PCDHGA3: variants seen among roughly 807,000 people sequenced by gnomAD.
The protein encoded by PCDHGA3 is protocadherin gamma subfamily A, 3, also known as protocadherin gamma-A3.
Under a neutral mutation model 58.5 loss-of-function variants are expected in PCDHGA3, and 40 were observed. The observed-to-expected ratio is 0.68, with a 90% CI of 0.53 to 0.89. The LOEUF is 0.89. Ranked by LOEUF, PCDHGA3 falls within the 40% of genes least tolerant of loss-of-function variation. PCDHGA3 has a pLI of 0.00. For missense variants in PCDHGA3, 1,223 were observed against 1,195.9 expected, an observed-to-expected ratio of 1.02 and a Z score of -0.33; for synonymous variants, 530 against 525.7, an observed-to-expected ratio of 1.01 and a Z score of -0.11.
In PCDHGA3 at chr5:141,399,219, G is replaced by A. The variant is rs775267424; in HGVS notation, c.2424+52762G>A. The A allele has an allele frequency of 2.5e-6, 4 of 1,613,924 alleles. No homozygotes were observed. The South Asian group carries it at 3.3e-5, about 13-fold the overall frequency. On this transcript the variant is annotated intron_variant, in intron 1 of 3. Coordinates refer to ENST00000253812, the MANE Select transcript of PCDHGA3 (RefSeq NM_018916.4). Reference sequence around the variant, plus strand: ...CGGTGCCTGGAACACTAATTGCTTTGATCAAAATACATGACCAAGATTCTG... The same window carrying A: ...CGGTGCCTGGAACACTAATTGCTTTAATCAAAATACATGACCAAGATTCTG...
intron 1 of PCDHGA3, chr5:141,440,968 T>A (rs1487107428): frequency 6.6e-6 from 1 of 152,198 alleles, no homozygotes; most frequent in African/African-American, 2.4e-5. Flanking sequence ...AGATCACATA[T>A]GGCTTCACAA....
chr5:141,351,658 C>T, intron 1 of PCDHGA3: 2 of 1,614,064 alleles, frequency 1.2e-6, no homozygotes, highest in Non-Finnish European at 1.7e-6. Flanking sequence ...CTGGCGCCTC[C>T]ATTGCACAAG....
At chr5:141,389,927 C>A (rs2091975121) in intron 1 of PCDHGA3, 2 of 1,613,944 alleles carry the variant, frequency 1.2e-6, no homozygotes, top group African/African-American at 2.7e-5. Flanking sequence ...ACCCCTCTGA[C>A]CTCCAGGCTG....
At chr5:141,397,965 C>A in intron 1 of PCDHGA3, 1 of 1,077,484 alleles carries the variant, frequency 9.3e-7, no homozygotes. Flanking sequence ...AGCTCAGACT[C>A]CCCAGCGCCG....
chr5:141,399,656 T>C, intron 1 of PCDHGA3: 1 of 1,613,694 alleles, frequency 6.2e-7, no homozygotes, highest in Non-Finnish European at 8.5e-7. Context: ...AGTGGGGTGG[T>C]GTTCGCGCAG....
chr5:141,423,170 A>T (rs755141371), intron 1 of PCDHGA3: 1 of 1,613,504 alleles, frequency 6.2e-7, no homozygotes, highest in South Asian at 1.1e-5. Flanking sequence ...GTGGCCGTCC[A>T]GGACCACGGC....
intron 2 of PCDHGA3, 141 bp downstream of exon 2, chr5:141,495,006 G>C (rs1030195663): frequency 2.0e-6 from 3 of 1,521,446 alleles, no homozygotes; most frequent in Non-Finnish European, 8.8e-7. Flanking sequence ...CTTGGTGTGC[G>C]GGGGGCTGGC....
Position 141,476,242 on chromosome 5 carries a change from G to T in PCDHGA3, c.2425-18565G>T. ...ACTATGAGATCCCGGAGGAAAGAGA[G>T]AAGGGTTTCGCTGTGGGCAACGTGG... is the stretch of plus-strand genomic sequence containing the variant. On this transcript the variant is annotated intron_variant, in intron 1 of 3. Coordinates refer to ENST00000253812, the MANE Select transcript of PCDHGA3 (RefSeq NM_018916.4). The surrounding 1 kb of genome is among the most constrained non-coding windows in gnomAD (Gnocchi z 7.6). 6.2e-7 allele frequency: 1 copy of T among 1,614,100 alleles called. No individual in the cohort carries two copies.
At chr5:141,356,757 C>T (rs1413768876) in intron 1 of PCDHGA3, 2 of 1,613,908 alleles carry the variant, frequency 1.2e-6, no homozygotes, top group Non-Finnish European at 1.7e-6. Flanking sequence ...CTCTTTGCTC[C>T]TTCGACTATG....
intron 1 of PCDHGA3, chr5:141,416,276 A>G (rs553989511): frequency 6.6e-6 from 1 of 152,388 alleles, no homozygotes; most frequent in East Asian, 1.9e-4. Context: ...TTTTGCATAC[A>G]ATTCTCTAAT....
At chr5:141,500,822 T>A (rs1377955680) in intron 2 of PCDHGA3, among the ~76,000 whole-genome samples, 1 of 152,240 alleles carries the variant, frequency 6.6e-6, no homozygotes, top group African/African-American at 2.4e-5. Context: ...TACATATTAT[T>A]TTTCTAATGC....
At chr5:141,408,396 A>G (rs764101918) in intron 1 of PCDHGA3, 18 of 1,614,020 alleles carry the variant, frequency 1.1e-5, no homozygotes, top group South Asian at 5.5e-5. Flanking sequence ...TCGGCTCGCA[A>G]GCTGCGAGTG....
At position 141,384,635 on chromosome 5, in the gene PCDHGA3, C is replaced by G. The variant is rs752480661; in HGVS notation, c.2424+38178C>G. On this transcript the variant is annotated intron_variant, in intron 1 of 3. Coordinates refer to ENST00000253812, the MANE Select transcript of PCDHGA3 (RefSeq NM_018916.4). The stretch of plus-strand genomic sequence containing the variant: ...GGTTCTACTGGCATGGAGCTGGCAC[C>G]CCGCTCCGCAGAGCCCGGCTACCTG... The G allele has an allele frequency of 1.9e-6, 3 of 1,614,214 alleles. No individual in the cohort carries two copies. The East Asian group carries it at 6.7e-5, about 36-fold the overall frequency.
rs1248191692 is a variant in PCDHGA3, at chr5:141,419,519, G to T, written c.2424+73062G>T. The T allele has an allele frequency of 1.9e-6, 3 of 1,612,180 alleles. No homozygotes were observed. Among genetic ancestry groups the T allele is most frequent in the Non-Finnish European group, 1.7e-6 (2 of 1,179,504 alleles). ...TGTGAGCCTGCGCGTGTTGGTGGGC[G>T]ACCGTAACGACAACGCACCGCGGGT... On this transcript the variant is annotated intron_variant, in intron 1 of 3. Coordinates refer to ENST00000253812, the MANE Select transcript of PCDHGA3 (RefSeq NM_018916.4).
chr5:141,439,212 T>G (rs1391791892), intron 1 of PCDHGA3, among the ~76,000 whole-genome samples: 1 of 150,642 alleles, frequency 6.6e-6, no homozygotes, highest in Non-Finnish European at 1.5e-5. Context: ...AAAATCCATA[T>G]GTGAAAATTC....
At chr5:141,474,117 A>C (rs748431734) in intron 1 of PCDHGA3, among the ~76,000 whole-genome samples, 11 of 152,186 alleles carry the variant, frequency 7.2e-5, no homozygotes, top group Non-Finnish European at 1.2e-4. Context: ...ACAACAACGA[A>C]AATCTCAGAA....
chr5:141,509,303 G>A (rs911736752), intron 3 of PCDHGA3, among the ~76,000 whole-genome samples: 1 of 152,210 alleles, frequency 6.6e-6, no homozygotes, highest in Admixed American at 6.5e-5. Context: ...GGAGGCAGAG[G>A]GAGGCTGGGA....
intron 1 of PCDHGA3, chr5:141,403,212 CG>C (rs1561686781): frequency 6.2e-7 from 1 of 1,613,952 alleles, no homozygotes; most frequent in African/African-American, 1.3e-5. Context: ...TTGGTCACCG[CG>C]GGTAGGATAG....
chr5:141,463,548 A>C (rs2099063677), intron 1 of PCDHGA3, among the ~76,000 whole-genome samples: 1 of 140,798 alleles, frequency 7.1e-6, no homozygotes, highest in Non-Finnish European at 1.5e-5. Context: ...TCCCGGGTTC[A>C]TGCCATTCTC....
Sources: gnomAD v4.1 joint callset for allele counts (sites outside exome capture counted in the v4.1 genomes callset) on GRCh38, gnomAD v4.1.1 for gene constraint, Gnocchi (gnomAD v3.1) non-coding constraint, MANE v1.5 for transcripts, NCBI Gene and HGNC (gene_info 2026-07-23, HGNC 2026-07-21) for gene names.